The following DSCAML1 variants were observed in gnomAD, a reference collection of about 807,000 sequenced individuals.
DSCAML1 encodes the protein DS cell adhesion molecule like 1.
A neutral mutation model predicts 200.5 loss-of-function variants in DSCAML1; 38 were observed. The ratio of observed to expected loss-of-function variants is 0.19; its 90% CI spans 0.15 to 0.25. The LOEUF (loss-of-function observed/expected upper bound fraction) is 0.25. Among genes scored for constraint, DSCAML1 ranks in the 10% least tolerant of loss-of-function variants. The pLI is 1.00. For missense variants in DSCAML1, 2,223 were observed against 2,858.8 expected (o/e 0.78, Z 5.07); for synonymous variants, 1,215 against 1,165.0 (o/e 1.04, Z -0.87).
At position 117,659,639 on chromosome 11, in the gene DSCAML1, C is replaced by T. The variant is rs1412298347; in HGVS notation, c.511+117152G>A. Among the ~76,000 whole-genome samples, 7 of 152,218 alleles carry T rather than the reference C, an allele frequency of 4.6e-5. No individual in the cohort carries two copies. In the East Asian group the frequency reaches 9.7e-4, roughly 21 times the overall value. On this transcript the variant is annotated intron_variant, in intron 3 of 32. Coordinates refer to ENST00000651296, the MANE Select transcript of DSCAML1 (RefSeq NM_020693.4). ...AGCCACTGGGCTTGGCTCTGTGGTA[C>T]GATTCAGGACTGACTGCTCTGGGCC...
chr11:117,808,395 T>A (rs1210948943), intron 1 of DSCAML1, among the ~76,000 whole-genome samples: 2 of 152,090 alleles, frequency 1.3e-5, no homozygotes, highest in Non-Finnish European at 1.5e-5. Context: ...CTGGAAAAGA[T>A]AATAGGCGCA....
In DSCAML1 at chr11:117,461,545, A is replaced by C. The variant is rs2048483157; in HGVS notation, c.3317T>G (p.Val1106Gly). The C allele has an allele frequency of 1.2e-6, 2 of 1,614,152 alleles. No homozygotes were observed. The highest frequency in any genetic ancestry group is 2.2e-5 in the East Asian group (1 of 44,890). The change falls in exon 18 of 33, where the codon GTG becomes GGG. Residue 1106 changes from valine (V) to glycine (G), a missense_variant. Around this residue, in one of 7 missense-constraint regions of DSCAML1, gnomAD observed 438 missense variants for 629.7 expected, o/e 0.70. Coordinates refer to ENST00000651296, the MANE Select transcript of DSCAML1 (RefSeq NM_020693.4). Reference sequence around the variant, plus strand: ...GGGCTCTGACCAGGAGATGACGGCCACGTCAGAAGTGATGGACAGGGCCCG... The same window carrying C: ...GGGCTCTGACCAGGAGATGACGGCCCCGTCAGAAGTGATGGACAGGGCCCG... ...NVRALSITSD[V>G]AVISWSEPPR...
Position 117,480,919 on chromosome 11 carries a change from C to A in DSCAML1, c.2656+255G>T, listed in dbSNP as rs1196497370. Reference sequence around the variant, plus strand: ...GGACCCAGGAACCTGACTCCCCCACCCCTCCCCAGAAGGGTCAGTGGAATC... The same window carrying A: ...GGACCCAGGAACCTGACTCCCCCACACCTCCCCAGAAGGGTCAGTGGAATC... On this transcript the variant is annotated intron_variant, in intron 13 of 32. Coordinates refer to ENST00000651296, the MANE Select transcript of DSCAML1 (RefSeq NM_020693.4). This position sits in a 1 kb window ranked among gnomAD's most constrained non-coding sequence, Gnocchi z 4.1. 6.6e-6 allele frequency among the ~76,000 whole-genome samples: 1 copy of A among 152,204 alleles called. No homozygotes were observed. The highest frequency in any genetic ancestry group is 1.5e-5 in the Non-Finnish European group (1 of 68,040).
At chr11:117,450,091 G>A (rs950764606) in intron 20 of DSCAML1, among the ~76,000 whole-genome samples, 1 of 152,190 alleles carries the variant, frequency 6.6e-6, no homozygotes, top group Admixed American at 6.5e-5. Flanking sequence ...GCTTTCCCCC[G>A]TCTTTCCTCC....
chr11:117,693,072 C>G (rs147429650), intron 3 of DSCAML1, among the ~76,000 whole-genome samples: 2 of 152,162 alleles, frequency 1.3e-5, no homozygotes, highest in African/African-American at 2.4e-5. Context: ...GCACAGAGTA[C>G]GGGAAGCATT....
intron 11 of DSCAML1, among the ~76,000 whole-genome samples, chr11:117,491,207 G>A (rs1042779712): frequency 6.6e-6 from 1 of 152,172 alleles, no homozygotes; most frequent in Non-Finnish European, 1.5e-5. Context: ...GGAAGCCTGG[G>A]TACATCTTCA....
intron 3 of DSCAML1, among the ~76,000 whole-genome samples, chr11:117,672,944 C>G (rs902831014): frequency 2.0e-5 from 3 of 152,210 alleles, no homozygotes; most frequent in Non-Finnish European, 2.9e-5. Flanking sequence ...CATTTCTGCA[C>G]TTGTTCCCAA....
intron 3 of DSCAML1, chr11:117,612,045 C>T (rs1472024654): frequency 2.0e-5 from 3 of 152,252 alleles, no homozygotes; most frequent in East Asian, 1.9e-4. Context: ...CAGGGTGTGA[C>T]GTGTTGGAGA....
chr11:117,444,091 C>T (rs375144592), intron 20 of DSCAML1, 52 bp from the exon 21 acceptor site: 111 of 1,555,750 alleles, frequency 7.1e-5, no homozygotes, highest in Non-Finnish European at 9.3e-5. Flanking sequence ...GGCCCTCCAG[C>T]GTCCAAATCT....
chr11:117,589,533 T>C (rs773250347), intron 3 of DSCAML1, among the ~76,000 whole-genome samples: 1 of 152,170 alleles, frequency 6.6e-6, no homozygotes, highest in Non-Finnish European at 1.5e-5. Flanking sequence ...GCAGGAGAGC[T>C]CTCTGCGTCT....
intron 3 of DSCAML1, among the ~76,000 whole-genome samples, chr11:117,618,068 G>A (rs2051850152): frequency 6.6e-6 from 1 of 152,134 alleles, no homozygotes; most frequent in Admixed American, 6.5e-5. Context: ...CCTATTTCAG[G>A]ATGACTTCTC....
At chr11:117,434,745 C>T (rs7944427) in intron 27 of DSCAML1, among the ~76,000 whole-genome samples, 30,861 of 152,082 alleles carry the variant, frequency 0.2, 3,352 homozygotes, top group South Asian at 0.34. Flanking sequence ...AACCATCCAA[C>T]CATGTAACTA....
rs141671934 is a variant in DSCAML1 at position 117,713,594 on chromosome 11, A to G, written c.511+63197T>C. ...CCCCCTCCCAGAGCCATTTGAGCTGATTTATAATGGTTATAAAAGAGGTCA... is the reference window on the plus strand; with the variant it reads ...CCCCCTCCCAGAGCCATTTGAGCTGGTTTATAATGGTTATAAAAGAGGTCA... On this transcript the variant is annotated intron_variant, in intron 3 of 32. Coordinates refer to ENST00000651296, the MANE Select transcript of DSCAML1 (RefSeq NM_020693.4). Among the ~76,000 whole-genome samples the G allele has an allele frequency of 2.6e-3, 391 of 152,336 alleles. 2 individuals are homozygous for G. Among genetic ancestry groups the G allele is most frequent in the African/African-American group, 7.6e-3 (316 of 41,580 alleles).
intron 3 of DSCAML1, among the ~76,000 whole-genome samples, chr11:117,722,189 G>C (rs1444260119): frequency 6.6e-6 from 1 of 152,070 alleles, no homozygotes; most frequent in Non-Finnish European, 1.5e-5. Flanking sequence ...TGGCTCTACA[G>C]GAAAAACTTG....
At chr11:117,769,790 A>T (rs1465234252) in intron 3 of DSCAML1, among the ~76,000 whole-genome samples, 1 of 151,564 alleles carries the variant, frequency 6.6e-6, no homozygotes, top group Admixed American at 6.6e-5. Flanking sequence ...TGAGAAGGTG[A>T]AACAAGCTAA....
intron 3 of DSCAML1, among the ~76,000 whole-genome samples, chr11:117,693,491 T>C (rs1359937843): frequency 6.6e-6 from 1 of 152,180 alleles, no homozygotes; most frequent in Non-Finnish European, 1.5e-5. Flanking sequence ...GATCAAGCCC[T>C]GCACCCCCCC....
intron 1 of DSCAML1, among the ~76,000 whole-genome samples, chr11:117,791,424 C>T (rs969638439): frequency 1.3e-5 from 2 of 152,240 alleles, no homozygotes; most frequent in Non-Finnish European, 1.5e-5. Flanking sequence ...GGCTTTATGG[C>T]ATGAACTCCA....
At chr11:117,573,768 A>G (rs571043207) in intron 3 of DSCAML1, among the ~76,000 whole-genome samples, 1 of 152,304 alleles carries the variant, frequency 6.6e-6, no homozygotes, top group East Asian at 1.9e-4. Flanking sequence ...GTGGTATCTC[A>G]AGAAGAGCAT....
At chr11:117,696,082 A>T (rs2053583208) in intron 3 of DSCAML1, among the ~76,000 whole-genome samples, 1 of 152,240 alleles carries the variant, frequency 6.6e-6, no homozygotes, top group Non-Finnish European at 1.5e-5. Flanking sequence ...ACACGGTGAA[A>T]GCTGAAGGAA....
Sources: gnomAD v4.1 joint callset for allele counts (sites outside exome capture counted in the v4.1 genomes callset) on GRCh38, gnomAD v4.1.1 for gene constraint, gnomAD v4.1.1 regional missense constraint, Gnocchi (gnomAD v3.1) non-coding constraint, MANE v1.5 for transcripts, NCBI Gene and HGNC (gene_info 2026-07-23, HGNC 2026-07-21) for gene names.